RUNDC3B: variants seen among roughly 807,000 people sequenced by gnomAD.
The protein encoded by RUNDC3B is RUN domain containing 3B.
In RUNDC3B, 33 loss-of-function variants were observed where a neutral mutation model predicts 58.4. The ratio of observed to expected loss-of-function variants is 0.56; its 90% CI spans 0.43 to 0.75. The LOEUF (loss-of-function observed/expected upper bound fraction) is 0.75, where lower values mean the gene tolerates loss of function less well. Among genes scored for constraint, RUNDC3B ranks in the 30% least tolerant of loss-of-function variants. The pLI, the probability that RUNDC3B is intolerant of heterozygous loss-of-function variation, is 0.00. For missense variants in RUNDC3B, 501 were observed against 535.7 expected (o/e 0.94, Z 0.64); for synonymous variants, 193 against 195.2 (o/e 0.99, Z 0.10).
intron 6 of RUNDC3B, among the ~76,000 whole-genome samples, chr7:87,759,036 T>A (rs1349402942): frequency 6.6e-6 from 1 of 152,178 alleles, no homozygotes; most frequent in East Asian, 1.9e-4. Context: ...TGCACTCTCA[T>A]CTTTATTGCA....
chr7:87,807,276 A>G (rs749455462), intron 8 of RUNDC3B, 97 bp from the exon 9 acceptor site: 5 of 1,143,712 alleles, frequency 4.4e-6, no homozygotes, highest in Admixed American at 2.1e-5. Context: ...AACCAATTTT[A>G]TAAGATAAAT....
intron 6 of RUNDC3B, among the ~76,000 whole-genome samples, chr7:87,753,487 C>G (rs906013833): frequency 6.6e-6 from 1 of 152,044 alleles, no homozygotes. Context: ...TAAAATCTCC[C>G]GTTATTAATG....
intron 6 of RUNDC3B, among the ~76,000 whole-genome samples, chr7:87,759,399 G>T (rs1162264516): frequency 1.3e-5 from 2 of 152,028 alleles, no homozygotes; most frequent in African/African-American, 2.4e-5. Context: ...GAATGAATAA[G>T]ATCTAGTATT....
chr7:87,668,009 T>A (rs775050945), intron 2 of RUNDC3B, among the ~76,000 whole-genome samples: 2 of 151,944 alleles, frequency 1.3e-5, no homozygotes, highest in Non-Finnish European at 2.9e-5. Context: ...GAGAATGAGG[T>A]GGGGAGGAGT....
Position 87,640,708 on chromosome 7 carries a change from T to C in RUNDC3B, c.123-10114T>C, listed in dbSNP as rs566961732. ...TTTACCAGGCCTCACTTGATTCATA[T>C]TCTTTCCCATGGTTTCTATTCTTCT... On this transcript the variant is annotated intron_variant, in intron 1 of 10. Coordinates refer to ENST00000394654, the MANE Select transcript of RUNDC3B (RefSeq NM_001134405.2). Among the ~76,000 whole-genome samples, 91 of 152,268 alleles carry C rather than the reference T, an allele frequency of 6.0e-4. 1 individual carries two copies. Among genetic ancestry groups the C allele is most frequent in the African/African-American group, 2.2e-3 (90 of 41,574 alleles).
At chr7:87,820,197 A>C (rs28890472) in intron 10 of RUNDC3B, among the ~76,000 whole-genome samples, 7,416 of 152,254 alleles carry the variant, frequency 0.049, 270 homozygotes, top group East Asian at 0.092. Context: ...AAAAAATGAT[A>C]AAGGGGATAT....
At chr7:87,721,731 G>T (rs968135667) in intron 4 of RUNDC3B, among the ~76,000 whole-genome samples, 12 of 151,626 alleles carry the variant, frequency 7.9e-5, no homozygotes, top group Admixed American at 2.0e-4. Flanking sequence ...TGAATAATTA[G>T]ATCTTATTTC....
chr7:87,658,610 C>T (rs1367974215), intron 2 of RUNDC3B, among the ~76,000 whole-genome samples: 1 of 151,948 alleles, frequency 6.6e-6, no homozygotes, highest in Non-Finnish European at 1.5e-5. Context: ...TAAATAAAGA[C>T]AAAGAAAAAA....
chr7:87,643,138 C>G (rs1306995884), intron 1 of RUNDC3B, among the ~76,000 whole-genome samples: 1 of 152,194 alleles, frequency 6.6e-6, no homozygotes, highest in Non-Finnish European at 1.5e-5. Context: ...AACTCCTGAC[C>G]TCAAGCCATC....
intron 2 of RUNDC3B, among the ~76,000 whole-genome samples, chr7:87,698,497 A>AAT (rs1828709547): frequency 2.0e-5 from 3 of 152,218 alleles, no homozygotes; most frequent in Non-Finnish European, 2.9e-5. Context: ...ATTTGTGCAA[A>AAT]ATATTTGATG....
At chr7:87,743,202 C>T (rs1298420203) in intron 6 of RUNDC3B, among the ~76,000 whole-genome samples, 4 of 151,922 alleles carry the variant, frequency 2.6e-5, no homozygotes, top group African/African-American at 9.7e-5. Flanking sequence ...AACACAGTTT[C>T]TTTATCCACT....
intron 7 of RUNDC3B, among the ~76,000 whole-genome samples, chr7:87,776,556 G>A (rs1180455020): frequency 1.3e-5 from 2 of 152,010 alleles, no homozygotes; most frequent in Admixed American, 6.6e-5. Flanking sequence ...TACCTTTGAA[G>A]AGGAGCAATC....
chr7:87,675,911 A>G (rs1375363219), intron 2 of RUNDC3B, among the ~76,000 whole-genome samples: 1 of 152,194 alleles, frequency 6.6e-6, no homozygotes, highest in Non-Finnish European at 1.5e-5. Flanking sequence ...AATAAGTGGA[A>G]CGACATTAAA....
intron 2 of RUNDC3B, among the ~76,000 whole-genome samples, chr7:87,661,164 G>T (rs564341227): frequency 1.3e-5 from 2 of 151,538 alleles, no homozygotes; most frequent in South Asian, 4.2e-4. Context: ...ATATTATGGG[G>T]TACATGAGAT....
intron 10 of RUNDC3B, among the ~76,000 whole-genome samples, chr7:87,818,555 T>C (rs1036448631): frequency 3.3e-5 from 5 of 152,162 alleles, no homozygotes; most frequent in Non-Finnish European, 5.9e-5. Context: ...GCATATCCTA[T>C]ACAAATATAA....
chr7:87,710,627 A>G lies in RUNDC3B; in HGVS notation c.430A>G (p.Thr144Ala). 6.3e-7 allele frequency: 1 copy of G among 1,598,776 alleles called. No homozygotes were observed. The highest frequency in any genetic ancestry group is 8.5e-7 in the Non-Finnish European group (1 of 1,169,698). ...AAAACATTTATCTGAATACATCTCT[A>G]CAGCTCTGAGAGACTTCAAAACAAC... The part of the protein sequence containing the change: ...MEKHLSEYIS[T>A]ALRDFKTTRR... The change falls in exon 4 of 11, where the codon ACA becomes GCA. Residue 144 changes from threonine (T) to alanine (A), a missense_variant. By Grantham distance (58) the Thr-to-Ala change is moderately conservative. Transcript: ENST00000394654.
intron 2 of RUNDC3B, among the ~76,000 whole-genome samples, chr7:87,688,537 T>C (rs1182710901): frequency 1.3e-5 from 2 of 152,150 alleles, no homozygotes; most frequent in East Asian, 3.9e-4. Context: ...AAAAACTATT[T>C]ATTATGTGGA....
intron 2 of RUNDC3B, among the ~76,000 whole-genome samples, chr7:87,683,070 T>G (rs535142769): frequency 2.0e-5 from 3 of 152,210 alleles, no homozygotes; most frequent in African/African-American, 7.2e-5. Flanking sequence ...ATTATTTTTT[T>G]ATGTACAGAG....
intron 10 of RUNDC3B, among the ~76,000 whole-genome samples, chr7:87,822,468 A>G (rs1225739921): frequency 6.6e-6 from 1 of 152,220 alleles, no homozygotes; most frequent in Non-Finnish European, 1.5e-5. Context: ...ACCATTGTGG[A>G]AGTCAGTGTG....
Sources: allele counts gnomAD v4.1 joint callset (sites outside exome capture counted in the v4.1 genomes callset), GRCh38; gene constraint gnomAD v4.1.1; transcripts MANE v1.5; gene names NCBI Gene and HGNC (gene_info 2026-07-23, HGNC 2026-07-21).